The following CROCC2 variants were observed in gnomAD, a reference collection of about 807,000 sequenced individuals.
The protein encoded by CROCC2 is ciliary rootlet coiled-coil, rootletin family member 2.
Under a neutral mutation model 177.6 loss-of-function variants are expected in CROCC2, and 163 were observed. The observed-to-expected ratio is 0.92, with a 90% CI of 0.81 to 1.05. The LOEUF (loss-of-function observed/expected upper bound fraction) is 1.05. Among genes scored for constraint, CROCC2 ranks in the 50% least tolerant of loss-of-function variants. CROCC2 has a pLI of 0.00. For synonymous variants in CROCC2, 904 were observed against 787.3 expected, an observed-to-expected ratio of 1.15 and a Z score of -2.48; for missense variants, 1,929 against 1,797.8, an observed-to-expected ratio of 1.07 and a Z score of -1.32.
rs1219164095 is a variant in CROCC2, at chr2:240,961,812, T to TCAC, written c.3088-1744_3088-1743insCAC. Among the ~76,000 whole-genome samples the TCAC allele has an allele frequency of 3.6e-4, 8 of 22,394 alleles. 1 individual carries two copies. Among genetic ancestry groups the TCAC allele is most frequent in the African/African-American group, 1.5e-3 (7 of 4,682 alleles). The allele number at this position is 22,394 out of a possible 152,430, so 14.7% of individuals were successfully genotyped here. ...ACACGCACTCACACATACACTCACATACACTCACACACACGCACGCACACA... is the reference window on the plus strand; with the variant it reads ...ACACGCACTCACACATACACTCACATCACACACTCACACACACGCACGCACACA... On this transcript the variant is annotated intron_variant, in intron 20 of 31. Transcript: ENST00000690015.
chr2:240,966,558 A>G, intron 25 of CROCC2, 149 bp downstream of exon 25: 1 of 395,150 alleles, frequency 2.5e-6, no homozygotes, highest in Middle Eastern at 6.3e-4. Flanking sequence ...CAGCACCACC[A>G]TGGCCCCCAA....
chr2:240,937,262 T>C (rs2059476677), intron 14 of CROCC2, among the ~76,000 whole-genome samples: 1 of 152,244 alleles, frequency 6.6e-6, no homozygotes, highest in African/African-American at 2.4e-5. Flanking sequence ...CATTTGCATT[T>C]CCCTCATAAC....
intron 18 of CROCC2, among the ~76,000 whole-genome samples, chr2:240,952,112 G>A (rs994607908): frequency 1.3e-5 from 2 of 152,038 alleles, no homozygotes; most frequent in South Asian, 2.1e-4. Flanking sequence ...TTGGGAGACC[G>A]AGGCAGGTGG....
At position 240,993,260 on chromosome 2, in the gene CROCC2, G is replaced by C. The variant is rs1036241462; in HGVS notation, c.*179G>C. On this transcript the variant is annotated 3_prime_UTR_variant, in exon 32 of 32. Transcript: ENST00000690015. ...GCTGCTCATGGGGAACATTTGAAATGCATGTGGGGGCCTCCGAATTTTGAA... is the reference window on the plus strand; with the variant it reads ...GCTGCTCATGGGGAACATTTGAAATCCATGTGGGGGCCTCCGAATTTTGAA... 10 of 543,768 alleles carry C rather than the reference G, an allele frequency of 1.8e-5. No homozygotes were observed. The highest frequency in any genetic ancestry group is 3.3e-5 in the Non-Finnish European group (10 of 298,624). 33.7% of individuals were successfully genotyped at this position (543,768 alleles called of 1,614,324 possible). A position where few individuals can be genotyped will look rare whatever the true frequency, so the allele number is the denominator to read the frequency against.
intron 1 of CROCC2, among the ~76,000 whole-genome samples, chr2:240,916,698 G>A (rs2059323583): frequency 2.6e-5 from 4 of 152,172 alleles, no homozygotes; most frequent in Admixed American, 6.5e-5. Flanking sequence ...AGTTTACTCC[G>A]CGCTGCAGCC....
intron 28 of CROCC2, among the ~76,000 whole-genome samples, chr2:240,983,847 G>A (rs902608199): frequency 1.1e-4 from 16 of 152,296 alleles, no homozygotes; most frequent in African/African-American, 3.8e-4. Context: ...CAGCTTTGCT[G>A]GAAACCGAGT....
At chr2:240,979,613 C>T (rs1474242466) in intron 27 of CROCC2, among the ~76,000 whole-genome samples, 8 of 90,232 alleles carry the variant, frequency 8.9e-5, no homozygotes, top group African/African-American at 3.1e-4. Context: ...CATCCCTGCT[C>T]AGGCTCTGGG....
rs763531948 is a variant in CROCC2 at position 240,988,776 on chromosome 2, C to T, written c.4589C>T (p.Ala1530Val). The T allele has an allele frequency of 2.3e-5, 34 of 1,506,520 alleles. No individual in the cohort carries two copies. The highest frequency in any genetic ancestry group is 2.9e-5 in the Non-Finnish European group (33 of 1,121,056). The allele number at this position is 1,506,520 out of a possible 1,614,324, so 93.3% of individuals were successfully genotyped here. Residue 1530 changes from alanine (A) to valine (V), a missense_variant, in exon 29 of 32, where the codon GCG (alanine) becomes GTG (valine). This residue lies in a region of CROCC2 where 388 missense variants were observed against 352.7 expected (regional missense o/e 1.10). Coordinates refer to ENST00000690015, the MANE Select transcript of CROCC2 (RefSeq NM_001351305.2). The part of the protein sequence containing the change: ...QETLKREEDV[A>V]RLGAEKEQLD... ...ACACTGAAGAGGGAGGAGGATGTGGCGAGGCTGGGGGCTGAGAAGGAGCAG... is the reference window on the plus strand; with the variant it reads ...ACACTGAAGAGGGAGGAGGATGTGGTGAGGCTGGGGGCTGAGAAGGAGCAG...
chr2:240,934,392 G>A lies in CROCC2; in HGVS notation c.1708G>A (p.Val570Ile), dbSNP rs2059454090. 2 of 1,548,802 alleles carry A rather than the reference G, an allele frequency of 1.3e-6. No individual in the cohort carries two copies. Residue 570 changes from valine (V) to isoleucine (I), a missense_variant, in exon 12 of 32, where the codon GTC becomes ATC. Physicochemically the swap from Val to Ile is conservative, Grantham distance 29. Transcript: ENST00000690015. ...CGGGCTCAGAGAGGAGCTGGCATCG[G>A]TCCGGGAGGCACTGAGCACAGCACA... ...VSGLREELASVREALSTAQLQ... is the reference protein window; with the variant it reads ...VSGLREELASIREALSTAQLQ...
rs1282102541 is a variant in CROCC2 at position 240,933,184 on chromosome 2, G to A, written c.1305G>A (p.Glu435=). Reference sequence around the variant, plus strand: ...AGGCACTGGTGGCCAGTCTCCAGGAGCAGCTGTCCGAAAGCCGGCGGGAGC... The same window carrying A: ...AGGCACTGGTGGCCAGTCTCCAGGAACAGCTGTCCGAAAGCCGGCGGGAGC... ...SSQALVASLQ[E]QLSESRRELW... is the part of the protein sequence containing the mutation. The change falls in exon 10 of 32, where the codon GAG becomes GAA. Residue 435 remains glutamate (E), a synonymous_variant. Transcript: ENST00000690015. The A allele has an allele frequency of 2.6e-6, 4 of 1,549,708 alleles. No individual in the cohort carries two copies. The African/African-American group carries it at 5.5e-5, about 21-fold the overall frequency.
rs74001707 is a variant in CROCC2 at position 240,958,630 on chromosome 2, C to T, written c.2944-671C>T. ...GGAGGCTTGGTCCAGTCCCCTGAAC[C>T]CAGGGGTGCAGAGCCTGAGCAGGGC... is the stretch of plus-strand genomic sequence containing the variant. On this transcript the variant is annotated intron_variant, in intron 19 of 31. Coordinates refer to ENST00000690015, the MANE Select transcript of CROCC2 (RefSeq NM_001351305.2). The surrounding 1 kb of genome is among the most constrained non-coding windows in gnomAD (Gnocchi z 6.7). 3.2e-3 allele frequency: 3,177 copies of T among 980,810 alleles called. 69 individuals are homozygous for T. In the African/African-American group the frequency reaches 0.05, roughly 16 times the overall value. 60.8% of individuals were successfully genotyped at this position (980,810 alleles called of 1,614,324 possible).
At chr2:240,967,987 A>AGCC (rs1232420536) in intron 26 of CROCC2, 142 bp from the exon 27 acceptor site, 1 of 829,092 alleles carries the variant, frequency 1.2e-6, no homozygotes, top group African/African-American at 1.8e-5. Context: ...ACCCTGGGGC[A>AGCC]GCCCCAGGAC....
chr2:240,956,029 G>C, intron 19 of CROCC2, 57 bp downstream of exon 19: 1 of 1,298,810 alleles, frequency 7.7e-7, no homozygotes. Context: ...GCAGACCCCA[G>C]GGGGCCACCC....
intron 12 of CROCC2, 149 bp downstream of exon 12, chr2:240,934,624 C>A: frequency 6.8e-6 from 6 of 883,126 alleles, no homozygotes; most frequent in Non-Finnish European, 1.0e-5. Flanking sequence ...AGTTCTCTCC[C>A]GTCCCCAACC....
intron 14 of CROCC2, among the ~76,000 whole-genome samples, chr2:240,937,757 T>G (rs1349655334): frequency 6.6e-6 from 1 of 152,194 alleles, no homozygotes; most frequent in African/African-American, 2.4e-5. Context: ...ATGGTTTGAA[T>G]CTGTCTCCCC....
rs1169912217 is a variant in CROCC2 at position 240,960,004 on chromosome 2, C to T, written c.3087+560C>T. Reference sequence around the variant, plus strand: ...GTGGCCAGAGCCACGCAGCCAAAGGCTCCAGGAGTCCAGCCGGCCCCCTCG... The same window carrying T: ...GTGGCCAGAGCCACGCAGCCAAAGGTTCCAGGAGTCCAGCCGGCCCCCTCG... On this transcript the variant is annotated intron_variant, in intron 20 of 31. Transcript: ENST00000690015. The surrounding 1 kb of genome is among the most constrained non-coding windows in gnomAD (Gnocchi z 5.0). Among the ~76,000 whole-genome samples, 2 of 152,254 alleles carry T rather than the reference C, an allele frequency of 1.3e-5. No homozygotes were observed. Among genetic ancestry groups the T allele is most frequent in the Admixed American group, 1.3e-4 (2 of 15,294 alleles).
chr2:240,981,878 A>G (rs2059802970), intron 27 of CROCC2: 1 of 152,040 alleles, frequency 6.6e-6, no homozygotes, highest in African/African-American at 2.4e-5. Context: ...TGCAGTCAAC[A>G]AGCTTCCAAT....
chr2:240,919,643 A>G (rs1053452293), intron 2 of CROCC2, among the ~76,000 whole-genome samples: 2 of 152,084 alleles, frequency 1.3e-5, no homozygotes, highest in Admixed American at 1.3e-4. Context: ...CAGAAGCAAC[A>G]GGGCTCACAA....
rs964094239 is a variant in CROCC2 at position 240,959,368 on chromosome 2, C to G, written c.3011C>G (p.Ala1004Gly). The G allele has an allele frequency of 3.2e-6, 5 of 1,550,472 alleles. No homozygotes were observed. ...LQAQFEDAITAHQRETTALRE... is the reference protein window; with the variant it reads ...LQAQFEDAITGHQRETTALRE... Reference sequence around the variant, plus strand: ...GCCCAGTTTGAGGATGCCATCACAGCCCATCAGAGGGAGACCACGGCCCTA... The same window carrying G: ...GCCCAGTTTGAGGATGCCATCACAGGCCATCAGAGGGAGACCACGGCCCTA... Residue 1004 changes from alanine to glycine, a missense_variant, in exon 20 of 32, where the codon GCC (alanine) becomes GGC (glycine). Coordinates refer to ENST00000690015, the MANE Select transcript of CROCC2 (RefSeq NM_001351305.2).
Sources: gnomAD v4.1 joint callset for allele counts (sites outside exome capture counted in the v4.1 genomes callset) on GRCh38, gnomAD v4.1.1 for gene constraint, gnomAD v4.1.1 regional missense constraint, Gnocchi (gnomAD v3.1) non-coding constraint, MANE v1.5 for transcripts, NCBI Gene and HGNC (gene_info 2026-07-23, HGNC 2026-07-21) for gene names.